SGK3: variants seen among roughly 807,000 people sequenced by gnomAD.
The protein encoded by SGK3 is serum/glucocorticoid regulated kinase family member 3.
A neutral mutation model predicts 68.5 loss-of-function variants in SGK3; 47 were observed. That is an observed-to-expected ratio of 0.69 (90% CI 0.54 to 0.87). The LOEUF (loss-of-function observed/expected upper bound fraction) is 0.87, where lower values mean the gene tolerates loss of function less well. SGK3 is among the 40% of genes least tolerant of loss of function. The probability of loss-of-function intolerance (pLI) is 0.00; values close to 1 mark genes in which losing one functional copy is unlikely to be tolerated. For synonymous variants in SGK3, 181 were observed against 189.1 expected (o/e 0.96, Z 0.35); for missense variants, 479 against 575.5 (o/e 0.83, Z 1.72).
At chr8:66,811,782 A>C (rs932763272) in intron 4 of SGK3, among the ~76,000 whole-genome samples, 2 of 152,366 alleles carry the variant, frequency 1.3e-5, no homozygotes, top group Admixed American at 6.5e-5. Flanking sequence ...TTTTCTTTGA[A>C]TATCCTAAAT....
intron 1 of SGK3, among the ~76,000 whole-genome samples, chr8:66,757,129 ATTTTTTTTT>A (rs796848968): frequency 9.3e-6 from 1 of 107,058 alleles, no homozygotes; most frequent in African/African-American, 3.5e-5. Flanking sequence ...CTCAGGCCCT[ATTTTTTTTT>A]TTTTTTTTTT....
Position 66,859,748 on chromosome 8 carries a change from C to T in SGK3, c.*167C>T, listed in dbSNP as rs2130768476. 1 of 698,844 alleles carries T rather than the reference C, an allele frequency of 1.4e-6. No homozygotes were observed. The highest frequency in any genetic ancestry group is 3.1e-5 in the East Asian group (1 of 31,844). 43.3% of individuals were successfully genotyped at this position (698,844 alleles called of 1,614,324 possible). Reference sequence around the variant, plus strand: ...TCTTCTATGTGCAAGAAAAATAGGGCATTTCAAAGAGCTGTTTTGATTAAA... The same window carrying T: ...TCTTCTATGTGCAAGAAAAATAGGGTATTTCAAAGAGCTGTTTTGATTAAA... On this transcript the variant is annotated 3_prime_UTR_variant, in exon 17 of 17. Coordinates refer to ENST00000521198, the MANE Select transcript of SGK3 (RefSeq NM_001033578.3).
chr8:66,841,290 G>A (rs1027538981), intron 13 of SGK3, among the ~76,000 whole-genome samples, 180 bp downstream of exon 13: 1 of 152,166 alleles, frequency 6.6e-6, no homozygotes, highest in African/African-American at 2.4e-5. Flanking sequence ...AACTGTGATT[G>A]TTAGATACTG....
chr8:66,806,423 A>G (rs1808166440), intron 4 of SGK3, among the ~76,000 whole-genome samples: 1 of 152,188 alleles, frequency 6.6e-6, no homozygotes, highest in Non-Finnish European at 1.5e-5. Context: ...AGCAAGAGAA[A>G]ATTGAGTTGG....
chr8:66,780,533 A>C (rs1585705877), intron 1 of SGK3, among the ~76,000 whole-genome samples: 1 of 152,212 alleles, frequency 6.6e-6, no homozygotes, highest in East Asian at 1.9e-4. Flanking sequence ...CTTTTGAACA[A>C]GGCCTTGGTG....
intron 1 of SGK3, among the ~76,000 whole-genome samples, chr8:66,750,397 A>G (rs897785729): frequency 1.3e-5 from 2 of 151,952 alleles, no homozygotes; most frequent in African/African-American, 2.4e-5. Context: ...CCAGGCACCT[A>G]TTTGTCTAGG....
chr8:66,859,132 A>C (rs1286020427), intron 16 of SGK3, among the ~76,000 whole-genome samples: 1 of 152,104 alleles, frequency 6.6e-6, no homozygotes. Context: ...GGAGTTCGAG[A>C]CCAGCCTGGC....
intron 3 of SGK3, 147 bp from the exon 4 acceptor site, chr8:66,804,228 T>C: frequency 1.6e-6 from 1 of 644,896 alleles, no homozygotes; most frequent in South Asian, 2.3e-5. Flanking sequence ...ATTGGTATAA[T>C]TTATGTTATA....
At chr8:66,850,685 C>A in intron 15 of SGK3, 146 bp from the exon 16 acceptor site, 1 of 727,216 alleles carries the variant, frequency 1.4e-6, no homozygotes, top group Non-Finnish European at 2.2e-6. Flanking sequence ...TGAATAACAT[C>A]ATTTTGCCAC....
chr8:66,756,540 A>G (rs1172997831), intron 1 of SGK3, among the ~76,000 whole-genome samples: 4 of 151,650 alleles, frequency 2.6e-5, no homozygotes, highest in African/African-American at 9.7e-5. Context: ...AAGACAAACC[A>G]AGAATCTTGA....
At chr8:66,830,785 G>A (rs1445801741) in intron 7 of SGK3, among the ~76,000 whole-genome samples, 1 of 152,120 alleles carries the variant, frequency 6.6e-6, no homozygotes, top group African/African-American at 2.4e-5. Flanking sequence ...ATTATTCTTA[G>A]CGTCTTTACT....
intron 3 of SGK3, among the ~76,000 whole-genome samples, chr8:66,802,079 G>C (rs1807966920): frequency 6.6e-6 from 1 of 151,774 alleles, no homozygotes; most frequent in African/African-American, 2.4e-5. Flanking sequence ...AATTTCTTTT[G>C]TATTTCTTTT....
intron 15 of SGK3, among the ~76,000 whole-genome samples, chr8:66,847,578 T>G (rs1810084671): frequency 6.6e-6 from 1 of 152,222 alleles, no homozygotes; most frequent in African/African-American, 2.4e-5. Flanking sequence ...ACATACACTT[T>G]CGCACCCTAT....
intron 2 of SGK3, 90 bp from the exon 3 acceptor site, chr8:66,798,452 A>AG (rs1807791533): frequency 7.8e-7 from 1 of 1,277,628 alleles, no homozygotes; most frequent in South Asian, 1.6e-5. Context: ...AAAAAAAAAA[A>AG]AAAATTAAAA....
intron 1 of SGK3, among the ~76,000 whole-genome samples, chr8:66,717,247 A>C (rs539435031): frequency 1.1e-4 from 17 of 147,946 alleles, no homozygotes; most frequent in African/African-American, 4.2e-4. Context: ...CAAAAAAAAA[A>C]CGCTGGGCTT....
intron 1 of SGK3, among the ~76,000 whole-genome samples, chr8:66,763,469 A>T (rs1806230589): frequency 6.6e-6 from 1 of 152,182 alleles, no homozygotes; most frequent in African/African-American, 2.4e-5. Flanking sequence ...TTTCTGCTGC[A>T]GGTCTGCAAT....
intron 13 of SGK3, among the ~76,000 whole-genome samples, chr8:66,841,373 G>C (rs983844797): frequency 6.6e-6 from 1 of 152,008 alleles, no homozygotes; most frequent in Non-Finnish European, 1.5e-5. Flanking sequence ...TTTACCTTAG[G>C]CTTCTTTATG....
intron 3 of SGK3, among the ~76,000 whole-genome samples, chr8:66,803,514 CAT>C (rs1808034935): frequency 7.4e-6 from 1 of 134,668 alleles, no homozygotes; most frequent in Non-Finnish European, 1.5e-5. Flanking sequence ...ACAGTTTTTA[CAT>C]GTGTGTGTGT....
intron 1 of SGK3, among the ~76,000 whole-genome samples, chr8:66,779,103 C>T (rs1386596914): frequency 1.3e-5 from 2 of 151,792 alleles, no homozygotes. Context: ...CCTGATTGTC[C>T]TGGATGTGTG....
Sources: allele counts gnomAD v4.1 joint callset (sites outside exome capture counted in the v4.1 genomes callset), GRCh38; gene constraint gnomAD v4.1.1; transcripts MANE v1.5; gene names NCBI Gene and HGNC (gene_info 2026-07-23, HGNC 2026-07-21).